The following DHX30 variants were observed in gnomAD, a reference collection of about 807,000 sequenced individuals.
The protein encoded by DHX30 is ATP-dependent RNA helicase DHX30.
In DHX30, 4 loss-of-function variants were observed where a neutral mutation model predicts 116.9. That is an observed-to-expected ratio of 0.03 (90% confidence interval 0.02 to 0.08). DHX30 has a LOEUF of 0.08. Among genes scored for constraint, DHX30 ranks in the 10% least tolerant of loss-of-function variants. The pLI is 1.00. For missense variants in DHX30, 871 were observed against 1,595.1 expected (o/e 0.55, Z 7.73); for synonymous variants, 697 against 651.7 (o/e 1.07, Z -1.06).
At position 47,848,720 on chromosome 3, in the gene DHX30, C is replaced by T. The variant is rs1377434901; in HGVS notation, c.2672C>T (p.Ala891Val). Residue 891 changes from alanine (A) to valine (V), a missense_variant, in exon 17 of 22, where the codon GCC becomes GTC. Coordinates refer to ENST00000445061, the MANE Select transcript of DHX30 (RefSeq NM_138615.3). The surrounding 1 kb of genome is among the most constrained non-coding windows in gnomAD (Gnocchi z 9.4). ...TTGGCCAAGGCCATTGTGTTGGCTG[C>T]CATCTTCCGTTGCCTGCACCCACTA... ...PRLAKAIVLA[A>V]IFRCLHPLLV... 6.2e-7 allele frequency: 1 copy of T among 1,614,186 alleles called. No homozygotes were observed. Among genetic ancestry groups the T allele is most frequent in the Non-Finnish European group, 8.5e-7 (1 of 1,180,022 alleles).
intron 3 of DHX30, chr3:47,816,635 C>T (rs1299449215): frequency 8.1e-6 from 8 of 985,282 alleles, no homozygotes; most frequent in Admixed American, 1.2e-4. Context: ...GGATTATAGG[C>T]GTGAGCCACC....
intron 8 of DHX30, 119 bp downstream of exon 8, chr3:47,841,856 C>T (rs932263429): frequency 1.4e-6 from 2 of 1,402,536 alleles, no homozygotes; most frequent in African/African-American, 2.8e-5. Flanking sequence ...AAACCTAGGC[C>T]AGGTGGAGGA....
At chr3:47,804,331 G>T (rs1045343834) in intron 1 of DHX30, among the ~76,000 whole-genome samples, 4 of 152,196 alleles carry the variant, frequency 2.6e-5, no homozygotes, top group African/African-American at 9.7e-5. Context: ...GAGGCGGGTG[G>T]ATCACCTGAG....
intron 2 of DHX30, among the ~76,000 whole-genome samples, chr3:47,807,559 G>T (rs938534390): frequency 6.6e-6 from 1 of 151,624 alleles, no homozygotes; most frequent in African/African-American, 2.4e-5. Flanking sequence ...AAAAAATTTA[G>T]CCGTGCATGG....
intron 6 of DHX30, among the ~76,000 whole-genome samples, chr3:47,830,443 G>A (rs540039598): frequency 1.3e-5 from 2 of 151,358 alleles, no homozygotes; most frequent in African/African-American, 4.8e-5. Context: ...ATGAGACTCC[G>A]TCACAAAAAA....
At chr3:47,825,225 A>T (rs568729834) in intron 4 of DHX30, 12 of 630,934 alleles carry the variant, frequency 1.9e-5, no homozygotes, top group Admixed American at 1.3e-4. Context: ...GGCCTGGGGA[A>T]GGCGACGGAA....
chr3:47,805,262 G>A (rs969425421), intron 1 of DHX30, 64 bp from the exon 2 acceptor site: 7 of 398,490 alleles, frequency 1.8e-5, no homozygotes, highest in African/African-American at 1.4e-4. Flanking sequence ...AGTAAATGAT[G>A]GTTGGAGCAA....
At position 47,846,510 on chromosome 3, in the gene DHX30, C is replaced by T. The variant is rs374535053; in HGVS notation, c.1438C>T (p.Arg480Ter). The change falls in exon 11 of 22, where the codon CGA becomes TGA. Residue 480 changes from arginine to a stop codon, truncating the protein, a stop_gained. Coordinates refer to ENST00000445061, the MANE Select transcript of DHX30 (RefSeq NM_138615.3). LOFTEE classifies it high-confidence loss of function. ...LLLERYVTEG[R>*]GARCNVIITQ... ...GCTGGAGCGCTATGTGACCGAGGGC[C>T]GAGGTGCCCGCTGCAATGTTATCAT... 6.2e-7 allele frequency: 1 copy of T among 1,613,902 alleles called. No individual in the cohort carries two copies. The highest frequency in any genetic ancestry group is 1.3e-5 in the African/African-American group (1 of 74,940).
At chr3:47,810,617 G>A in intron 2 of DHX30, 40 bp from the exon 3 acceptor site, 1 of 1,538,804 alleles carries the variant, frequency 6.5e-7, no homozygotes, top group Non-Finnish European at 9.0e-7. Flanking sequence ...TGCTGGACCA[G>A]GAATATTAAC....
rs553022081 is a variant in DHX30 at position 47,818,261 on chromosome 3, G to C, written c.124+144G>C. 1.8e-4 allele frequency: 116 copies of C among 639,216 alleles called. 1 individual carries two copies. Among genetic ancestry groups the C allele is most frequent in the Non-Finnish European group, 2.9e-4 (103 of 355,052 alleles). 39.6% of individuals were successfully genotyped at this position (639,216 alleles called of 1,614,324 possible). ...GGATTAGCAGAGCTATTGGAGCCCT[G>C]AGGGAGAAATTACTTGGAAAAGTCT... On this transcript the variant is annotated intron_variant, in intron 4 of 21. Coordinates refer to ENST00000445061, the MANE Select transcript of DHX30 (RefSeq NM_138615.3).
At chr3:47,842,055 A>G in intron 8 of DHX30, 2 of 294,176 alleles carry the variant, frequency 6.8e-6, no homozygotes, top group South Asian at 6.6e-5. Flanking sequence ...TGCCAGGCGA[A>G]GGGGCTTTGG....
intron 6 of DHX30, among the ~76,000 whole-genome samples, chr3:47,840,307 T>G (rs920235209): frequency 1.1e-4 from 17 of 151,482 alleles, no homozygotes; most frequent in Non-Finnish European, 2.5e-4. Flanking sequence ...CTACGTACTT[T>G]TTAATTGCTG....
chr3:47,824,809 T>G, intron 4 of DHX30: 8 of 402,624 alleles, frequency 2.0e-5, no homozygotes, highest in East Asian at 7.9e-5. Context: ...GACTGCTGGT[T>G]TAGATTTGCT....
intron 8 of DHX30, chr3:47,842,817 G>A (rs1269851689): frequency 3.9e-5 from 12 of 308,808 alleles, no homozygotes; most frequent in Non-Finnish European, 5.4e-5. Flanking sequence ...CAGCTGCCAC[G>A]ATGTTGCCGA....
intron 9 of DHX30, among the ~76,000 whole-genome samples, chr3:47,844,991 T>G (rs906176131): frequency 1.3e-5 from 2 of 152,038 alleles, no homozygotes; most frequent in Admixed American, 6.6e-5. Flanking sequence ...AGAGGGAGTC[T>G]GTGGGGTGCG....
At chr3:47,834,226 C>G (rs1337075437) in intron 6 of DHX30, among the ~76,000 whole-genome samples, 1 of 152,128 alleles carries the variant, frequency 6.6e-6, no homozygotes, top group East Asian at 1.9e-4. Context: ...GTCTCAGCCT[C>G]CCGAGTAGCT....
intron 6 of DHX30, among the ~76,000 whole-genome samples, chr3:47,835,950 C>T (rs1229713671): frequency 1.3e-5 from 2 of 152,182 alleles, no homozygotes; most frequent in Non-Finnish European, 2.9e-5. Context: ...AGGAGTGCTA[C>T]TGGCAGCTGT....
chr3:47,814,646 G>A (rs919817630), intron 3 of DHX30, among the ~76,000 whole-genome samples: 10 of 151,368 alleles, frequency 6.6e-5, no homozygotes, highest in South Asian at 2.1e-4. Context: ...TCAGCCTCCC[G>A]AGTAGCTGGG....
chr3:47,804,044 G>A (rs1287326570), intron 1 of DHX30, among the ~76,000 whole-genome samples: 1 of 152,218 alleles, frequency 6.6e-6, no homozygotes, highest in Non-Finnish European at 1.5e-5. Context: ...AGTGAAATGA[G>A]ACGTTGTCTG....
Sources: allele counts gnomAD v4.1 joint callset (sites outside exome capture counted in the v4.1 genomes callset), GRCh38; gene constraint gnomAD v4.1.1; non-coding constraint Gnocchi (gnomAD v3.1); transcripts MANE v1.5; gene names NCBI Gene and HGNC (gene_info 2026-07-23, HGNC 2026-07-21).